PIP5K1C: variants seen among roughly 807,000 people sequenced by gnomAD.
PIP5K1C encodes the protein phosphatidylinositol-4-phosphate 5-kinase type 1 gamma.
Under a neutral mutation model 80.1 loss-of-function variants are expected in PIP5K1C, and 45 were observed. The observed-to-expected ratio is 0.56, with a 90% confidence interval of 0.44 to 0.72. The LOEUF (loss-of-function observed/expected upper bound fraction) is 0.72, where lower values mean the gene tolerates loss of function less well. PIP5K1C is among the 30% of genes least tolerant of loss of function. The pLI is 0.00. For synonymous variants in PIP5K1C, 498 were observed against 420.1 expected (o/e 1.19, Z -2.27); for missense variants, 753 against 954.6 (o/e 0.79, Z 2.78).
intron 3 of PIP5K1C, among the ~76,000 whole-genome samples, 175 bp downstream of exon 3, chr19:3,664,646 TG>T (rs373893101): frequency 3.3e-5 from 5 of 152,282 alleles, no homozygotes; most frequent in African/African-American, 1.2e-4. Flanking sequence ...CAGCAAACAG[TG>T]GGGCCTCATG....
At position 3,633,528 on chromosome 19, in the gene PIP5K1C, G is replaced by A. The variant is rs1265238818; in HGVS notation, c.1921-8C>T. On this transcript the variant is annotated splice_region_variant and splice_polypyrimidine_tract_variant and intron_variant, in intron 16 of 17. Coordinates refer to ENST00000335312, the MANE Select transcript of PIP5K1C (RefSeq NM_012398.3). ...GCTCCTCTCATCGGTGGGCTGGCAGGTGGGCGCGCGTGCAGGAGGGCGCGG... is the reference window on the plus strand; with the variant it reads ...GCTCCTCTCATCGGTGGGCTGGCAGATGGGCGCGCGTGCAGGAGGGCGCGG... 3 of 1,489,472 alleles carry A rather than the reference G, an allele frequency of 2.0e-6. No homozygotes were observed. Among genetic ancestry groups the A allele is most frequent in the Non-Finnish European group, 2.7e-6 (3 of 1,114,814 alleles). The allele number at this position is 1,489,472 out of a possible 1,614,324, so 92.3% of individuals were successfully genotyped here. A position where few individuals can be genotyped will look rare whatever the true frequency, so the allele number is the denominator to read the frequency against.
intron 1 of PIP5K1C, among the ~76,000 whole-genome samples, chr19:3,679,949 G>C (rs1275280744): frequency 6.6e-6 from 1 of 152,236 alleles, no homozygotes; most frequent in Non-Finnish European, 1.5e-5. Flanking sequence ...TGCTGTGGGA[G>C]ACACTGCCCG....
chr19:3,633,482 G>A lies in PIP5K1C; in HGVS notation c.1959C>T (p.His653=), dbSNP rs1349095412. 2.0e-6 allele frequency: 3 copies of A among 1,513,936 alleles called. No homozygotes were observed. 93.8% of individuals were successfully genotyped at this position (1,513,936 alleles called of 1,614,324 possible). A position where few individuals can be genotyped will look rare whatever the true frequency, so the allele number is the denominator to read the frequency against. ...DERSWVYSPL[H]YSAQAPPASD... is the part of the protein sequence containing the mutation. ...AGGCCGGGGGGGCCTGGGCGCTATA[G>A]TGGAGCGGGGAGTACACCCAGCTCC... The change falls in exon 17 of 18, where the codon CAC becomes CAT. Residue 653 remains histidine (H), a synonymous_variant. Coordinates refer to ENST00000335312, the MANE Select transcript of PIP5K1C (RefSeq NM_012398.3).
intron 15 of PIP5K1C, among the ~76,000 whole-genome samples, chr19:3,640,134 C>T (rs766485777): frequency 9.2e-5 from 14 of 152,200 alleles, no homozygotes; most frequent in Non-Finnish European, 1.8e-4. Flanking sequence ...ACAAAAGCAT[C>T]TCAGGCAAAA....
chr19:3,673,194 C>T (rs2035264840), intron 1 of PIP5K1C, among the ~76,000 whole-genome samples: 1 of 152,176 alleles, frequency 6.6e-6, no homozygotes, highest in African/African-American at 2.4e-5. Flanking sequence ...ACGCCAGCGC[C>T]ACCCTGTGTC....
intron 8 of PIP5K1C, among the ~76,000 whole-genome samples, chr19:3,651,081 G>T (rs2034429343): frequency 7.2e-6 from 1 of 138,670 alleles, no homozygotes; most frequent in South Asian, 2.3e-4. Flanking sequence ...TTAAGACAGG[G>T]TCTCACTCTG....
chr19:3,637,202 CGA>C lies in PIP5K1C; in HGVS notation c.1920+1680_1920+1681del, dbSNP rs2033723309. On this transcript the variant is annotated intron_variant, in intron 16 of 17. Transcript: ENST00000335312. This position sits in a 1 kb window ranked among gnomAD's most constrained non-coding sequence, Gnocchi z 7.0. ...AGCGTCCACCCAAGACACCCTGACA[CGA>C]GAGGGCTGGGTCCAGGGGCAGAGAG... The C allele has an allele frequency of 1.4e-6, 2 of 1,432,786 alleles. No individual in the cohort carries two copies. The highest frequency in any genetic ancestry group is 1.4e-5 in the African/African-American group (1 of 69,580). 88.8% of individuals were successfully genotyped at this position (1,432,786 alleles called of 1,614,324 possible). A position where few individuals can be genotyped will look rare whatever the true frequency, so the allele number is the denominator to read the frequency against.
intron 5 of PIP5K1C, among the ~76,000 whole-genome samples, chr19:3,658,434 G>A (rs2034712299): frequency 6.6e-6 from 1 of 152,196 alleles, no homozygotes; most frequent in Non-Finnish European, 1.5e-5. Flanking sequence ...CCACAGCCAC[G>A]AGCCACAAAT....
chr19:3,639,099 G>A (rs2033843892), intron 15 of PIP5K1C, 83 bp from the exon 16 acceptor site: 3 of 1,502,336 alleles, frequency 2.0e-6, no homozygotes, highest in East Asian at 4.5e-5. Context: ...ACCCAGGCAG[G>A]GGCTTCATAC....
chr19:3,684,540 G>A (rs184208833), intron 1 of PIP5K1C, among the ~76,000 whole-genome samples: 4 of 152,372 alleles, frequency 2.6e-5, no homozygotes, highest in East Asian at 3.9e-4. Context: ...TGCGGAGAGA[G>A]GCCTGGGACA....
chr19:3,664,169 C>T (rs1043496536), intron 3 of PIP5K1C, among the ~76,000 whole-genome samples: 3 of 152,196 alleles, frequency 2.0e-5, no homozygotes, highest in East Asian at 1.9e-4. Flanking sequence ...CCAGGACAGG[C>T]TGATCCACAG....
At chr19:3,659,902 G>A (rs1004983044) in intron 5 of PIP5K1C, among the ~76,000 whole-genome samples, 1 of 152,212 alleles carries the variant, frequency 6.6e-6, no homozygotes, top group Non-Finnish European at 1.5e-5. Context: ...GAGAACCACA[G>A]GCTCCCGGCC....
chr19:3,646,148 G>T (rs1304359153), intron 10 of PIP5K1C, 90 bp from the exon 11 acceptor site: 7 of 798,410 alleles, frequency 8.8e-6, no homozygotes, highest in African/African-American at 8.4e-5. Context: ...TATGTGTGTG[G>T]GGGGCACCTT....
rs530085554 is a variant in PIP5K1C at position 3,637,555 on chromosome 19, G to T, written c.1920+1329C>A. ...ACTTACAGTCCCCGAGGCGCTCAGCGTCACGGCCCGCAGTCGGCGATGGCG... is the reference window on the plus strand; with the variant it reads ...ACTTACAGTCCCCGAGGCGCTCAGCTTCACGGCCCGCAGTCGGCGATGGCG... On this transcript the variant is annotated intron_variant, in intron 16 of 17. Transcript: ENST00000335312. This position sits in a 1 kb window ranked among gnomAD's most constrained non-coding sequence, Gnocchi z 7.0. 7 of 1,534,432 alleles carry T rather than the reference G, an allele frequency of 4.6e-6. No homozygotes were observed. Among genetic ancestry groups the T allele is most frequent in the Non-Finnish European group, 6.1e-6 (7 of 1,146,232 alleles).
chr19:3,664,751 G>A, intron 3 of PIP5K1C, 71 bp downstream of exon 3: 1 of 1,266,814 alleles, frequency 7.9e-7, no homozygotes, highest in Non-Finnish European at 1.2e-6. Context: ...CCCCATCCAT[G>A]CTACCAGTGG....
At chr19:3,636,345 G>A in intron 16 of PIP5K1C, 1 of 971,670 alleles carries the variant, frequency 1.0e-6, no homozygotes, top group Non-Finnish European at 1.2e-6. Context: ...TCAGCACTCA[G>A]GCCTTGGGGT....
chr19:3,661,446 T>G (rs1437562313), intron 4 of PIP5K1C, among the ~76,000 whole-genome samples: 1 of 152,228 alleles, frequency 6.6e-6, no homozygotes, highest in Non-Finnish European at 1.5e-5. Flanking sequence ...GCTGTTGTTC[T>G]CCTTCTGTTG....
intron 1 of PIP5K1C, among the ~76,000 whole-genome samples, chr19:3,693,731 C>T (rs2036016215): frequency 6.6e-6 from 1 of 152,158 alleles, no homozygotes; most frequent in Non-Finnish European, 1.5e-5. Flanking sequence ...CCATCCCTGT[C>T]CTGCCAGGCA....
At position 3,651,907 on chromosome 19, in the gene PIP5K1C, C is replaced by G. The variant is rs1248353582; in HGVS notation, c.1046G>C (p.Gly349Ala). The G allele has an allele frequency of 6.2e-7, 1 of 1,612,744 alleles. No homozygotes were observed. Among genetic ancestry groups the G allele is most frequent in the African/African-American group, 1.3e-5 (1 of 74,954 alleles). The change falls in exon 8 of 18, where the codon GGC becomes GCC. Residue 349 changes from glycine (G) to alanine (A), a missense_variant. Around this residue, in one of 6 missense-constraint regions of PIP5K1C, gnomAD observed 2 missense variants for 17.5 expected, o/e 0.11. Transcript: ENST00000335312. ...QSTSDEKRPV[G>A]QKALYSTAME... ...GGCCGTGGAGTAGAGCGCCTTCTGG[C>G]CCACAGGCCGCTTCTCATCTGAGGT...
Sources: allele counts gnomAD v4.1 joint callset (sites outside exome capture counted in the v4.1 genomes callset), GRCh38; gene constraint gnomAD v4.1.1; regional missense constraint gnomAD v4.1.1; non-coding constraint Gnocchi (gnomAD v3.1); transcripts MANE v1.5; gene names NCBI Gene and HGNC (gene_info 2026-07-23, HGNC 2026-07-21).